Variants in KATNIP observed in about 807,000 individuals in gnomAD.
KATNIP encodes katanin-interacting protein.
In KATNIP, 126 loss-of-function variants were observed where a neutral mutation model predicts 174.0. That is an observed-to-expected ratio of 0.72 (90% CI 0.63 to 0.84). The LOEUF (loss-of-function observed/expected upper bound fraction) is 0.84. Ranked by LOEUF, KATNIP falls within the 40% of genes least tolerant of loss-of-function variation. KATNIP has a pLI of 0.00. For missense variants in KATNIP, 1,958 were observed against 2,109.7 expected (o/e 0.93, Z 1.41); for synonymous variants, 810 against 835.7 (o/e 0.97, Z 0.53).
chr16:27,698,802 GT>G (rs1314679280), intron 9 of KATNIP, among the ~76,000 whole-genome samples: 1 of 152,208 alleles, frequency 6.6e-6, no homozygotes, highest in Non-Finnish European at 1.5e-5. Flanking sequence ...TTGCAAACTG[GT>G]GGGTCAGTGA....
intron 8 of KATNIP, among the ~76,000 whole-genome samples, chr16:27,692,645 G>A (rs1279351539): frequency 6.6e-6 from 1 of 152,138 alleles, no homozygotes; most frequent in African/African-American, 2.4e-5. Context: ...AGGGCTCACC[G>A]CCTTCGTGTC....
intron 6 of KATNIP, chr16:27,659,993 A>G: frequency 1.0e-6 from 1 of 984,824 alleles, no homozygotes; most frequent in Non-Finnish European, 1.2e-6. Context: ...GATAGTTTAT[A>G]TAACATTACG....
chr16:27,778,014 G>C lies in KATNIP; in HGVS notation c.4801+45G>C, dbSNP rs774012442. ...CCAGAGCATTGTGCCTTGGGAGCTCGGTCTGAATATAGAAGGAGCTGGTGG... is the reference window on the plus strand; with the variant it reads ...CCAGAGCATTGTGCCTTGGGAGCTCCGTCTGAATATAGAAGGAGCTGGTGG... On this transcript the variant is annotated intron_variant, in intron 27 of 27. Transcript: ENST00000261588. 6 of 1,559,188 alleles carry C rather than the reference G, an allele frequency of 3.8e-6. No homozygotes were observed. In the African/African-American group the frequency reaches 4.1e-5, roughly 11 times the overall value.
intron 13 of KATNIP, among the ~76,000 whole-genome samples, chr16:27,709,329 A>C (rs931533283): frequency 2.7e-5 from 4 of 148,746 alleles, no homozygotes; most frequent in African/African-American, 1.0e-4. Context: ...TCTAAAAAAA[A>C]AAAAAAAATA....
intron 2 of KATNIP, among the ~76,000 whole-genome samples, chr16:27,601,487 G>A (rs184969228): frequency 1.2e-3 from 176 of 152,186 alleles, no homozygotes; most frequent in Non-Finnish European, 1.9e-3. Flanking sequence ...TAGAGACGGG[G>A]CAGGGGGAGT....
At chr16:27,691,053 A>G (rs895648479) in intron 8 of KATNIP, among the ~76,000 whole-genome samples, 10 of 152,092 alleles carry the variant, frequency 6.6e-5, no homozygotes, top group South Asian at 6.2e-4. Context: ...TATGATTGCT[A>G]TAATAGACCC....
At chr16:27,713,102 C>G (rs927549558) in intron 13 of KATNIP, among the ~76,000 whole-genome samples, 1 of 152,124 alleles carries the variant, frequency 6.6e-6, no homozygotes, top group Non-Finnish European at 1.5e-5. Flanking sequence ...GCCACCATAC[C>G]CAGCCCATTT....
At chr16:27,774,833 A>G (rs2082433984) in intron 23 of KATNIP, 112 bp from the exon 24 acceptor site, 2 of 1,280,520 alleles carry the variant, frequency 1.6e-6, no homozygotes, top group Non-Finnish European at 2.2e-6. Flanking sequence ...CGGCTGCCCA[A>G]AGCATCAGCC....
rs567444742 is a variant in KATNIP, at chr16:27,564,372, C to G, written c.8-9529C>G. On this transcript the variant is annotated intron_variant, in intron 1 of 27. Coordinates refer to ENST00000261588, the MANE Select transcript of KATNIP (RefSeq NM_015202.5). ...AGAGACGGGCTGACCCAGAGCCTCC[C>G]CTCTCAGCCGCCACACAGCATTGTC... Among the ~76,000 whole-genome samples, 23 of 152,168 alleles carry G rather than the reference C, an allele frequency of 1.5e-4. No homozygotes were observed. In the East Asian group the frequency reaches 4.3e-3, roughly 28 times the overall value.
chr16:27,670,332 A>G (rs1324880231), intron 6 of KATNIP, among the ~76,000 whole-genome samples: 2 of 152,240 alleles, frequency 1.3e-5, no homozygotes, highest in African/African-American at 4.8e-5. Context: ...ATGTGCATAA[A>G]TGCCTAGTAT....
chr16:27,767,930 A>G (rs1316486144), intron 20 of KATNIP, among the ~76,000 whole-genome samples: 3 of 152,196 alleles, frequency 2.0e-5, no homozygotes, highest in South Asian at 2.1e-4. Context: ...TTCTGCCTCA[A>G]GTTGTGCCTT....
At chr16:27,694,612 A>G (rs2078850084) in intron 8 of KATNIP, among the ~76,000 whole-genome samples, 1 of 152,030 alleles carries the variant, frequency 6.6e-6, no homozygotes, top group Admixed American at 6.6e-5. Context: ...CCTGGGCAAC[A>G]TGGTGAAACC....
At position 27,756,516 on chromosome 16, in the gene KATNIP, G is replaced by C. The variant is rs914044924; in HGVS notation, c.3631+2265G>C. Among the ~76,000 whole-genome samples, 3 of 152,326 alleles carry C rather than the reference G, an allele frequency of 2.0e-5. 1 individual carries two copies. Among genetic ancestry groups the C allele is most frequent in the South Asian group, 4.1e-4 (2 of 4,826 alleles). ...TACGGAAGCTGGGAGTGCAAGCAAA[G>C]GTGTTTGAATCCAAAGCCCACATCC... On this transcript the variant is annotated intron_variant, in intron 18 of 27. Coordinates refer to ENST00000261588, the MANE Select transcript of KATNIP (RefSeq NM_015202.5).
At chr16:27,736,088 C>A (rs1185372470) in intron 14 of KATNIP, among the ~76,000 whole-genome samples, 2 of 152,164 alleles carry the variant, frequency 1.3e-5, no homozygotes, top group African/African-American at 4.8e-5. Context: ...CTGCAACCTC[C>A]CCCTCCCAGG....
intron 6 of KATNIP, among the ~76,000 whole-genome samples, chr16:27,651,450 G>A (rs2077119133): frequency 1.3e-5 from 2 of 150,678 alleles, no homozygotes; most frequent in Admixed American, 6.6e-5. Context: ...AAAAAGGCAC[G>A]TGGCTAAATA....
At chr16:27,673,848 T>C (rs1266934723) in intron 6 of KATNIP, among the ~76,000 whole-genome samples, 2 of 152,202 alleles carry the variant, frequency 1.3e-5, no homozygotes, top group Non-Finnish European at 2.9e-5. Flanking sequence ...AAGGGTCCCA[T>C]CACCAATGTC....
At chr16:27,744,755 C>T (rs1281580767) in intron 15 of KATNIP, among the ~76,000 whole-genome samples, 1 of 149,982 alleles carries the variant, frequency 6.7e-6, no homozygotes, top group Non-Finnish European at 1.5e-5. Flanking sequence ...TGTTTGTGCG[C>T]ACCTGTAATC....
chr16:27,556,617 C>T (rs2089638911), intron 1 of KATNIP, among the ~76,000 whole-genome samples: 1 of 152,146 alleles, frequency 6.6e-6, no homozygotes, highest in Non-Finnish European at 1.5e-5. Context: ...GATATTTAGC[C>T]TCACTTGTCC....
rs76767823 is a variant in KATNIP, at chr16:27,682,066, A to G, written c.940+536A>G. On this transcript the variant is annotated intron_variant, in intron 8 of 27. Transcript: ENST00000261588. ...AGAGTGATTTTCTGATTCCACCACCAAGGTGTGGTTATCATTGAAAATTTC... is the reference window on the plus strand; with the variant it reads ...AGAGTGATTTTCTGATTCCACCACCGAGGTGTGGTTATCATTGAAAATTTC... 9.9e-3 allele frequency among the ~76,000 whole-genome samples: 1,503 copies of G among 152,346 alleles called. 31 individuals are homozygous for G. The highest frequency in any genetic ancestry group is 0.034 in the African/African-American group (1,402 of 41,582).
Sources: gnomAD v4.1 joint callset for allele counts (sites outside exome capture counted in the v4.1 genomes callset) on GRCh38, gnomAD v4.1.1 for gene constraint, MANE v1.5 for transcripts, NCBI Gene and HGNC (gene_info 2026-07-23, HGNC 2026-07-21) for gene names.